DNAH14: variants seen among roughly 807,000 people sequenced by gnomAD.
DNAH14 encodes the protein dynein axonemal heavy chain 14.
Under a neutral mutation model 520.9 loss-of-function variants are expected in DNAH14, and 478 were observed. That is an observed-to-expected ratio of 0.92 (90% CI 0.85 to 0.99). The LOEUF is 0.99. DNAH14 is among the 50% of genes least tolerant of loss of function. DNAH14 has a pLI of 0.00. For missense variants in DNAH14, 4,831 were observed against 5,234.5 expected (o/e 0.92, Z 2.38); for synonymous variants, 1,581 against 1,757.2 (o/e 0.90, Z 2.51).
chr1:225,109,788 C>A (rs1459779425), intron 23 of DNAH14, among the ~76,000 whole-genome samples: 1 of 152,048 alleles, frequency 6.6e-6, no homozygotes, highest in Non-Finnish European at 1.5e-5. Flanking sequence ...CTATGACCTT[C>A]CAGATCTTAG....
At chr1:225,395,460 C>G (rs182341137) in intron 84 of DNAH14, among the ~76,000 whole-genome samples, 2 of 151,748 alleles carry the variant, frequency 1.3e-5, no homozygotes, top group East Asian at 1.9e-4. Context: ...GGCGTAGTGG[C>G]GGGCGCCTGT....
intron 1 of DNAH14, among the ~76,000 whole-genome samples, chr1:224,946,435 G>T (rs1371893672): frequency 6.6e-6 from 1 of 152,072 alleles, no homozygotes; most frequent in Non-Finnish European, 1.5e-5. Context: ...GACCCCTTGA[G>T]CTTCCCTTGC....
At chr1:224,988,027 AG>A (rs1314881227) in intron 8 of DNAH14, among the ~76,000 whole-genome samples, 1 of 152,098 alleles carries the variant, frequency 6.6e-6, no homozygotes, top group African/African-American at 2.4e-5. Flanking sequence ...AGCATGCATT[AG>A]CTATTTTTCC....
intron 23 of DNAH14, among the ~76,000 whole-genome samples, chr1:225,103,730 A>C (rs1305573117): frequency 5.9e-5 from 9 of 152,168 alleles, no homozygotes; most frequent in Non-Finnish European, 1.3e-4. Context: ...TGATTTTTGC[A>C]CATTGATTTT....
At position 225,309,521 on chromosome 1, in the gene DNAH14, G is replaced by T. The variant is rs183790585; in HGVS notation, c.9240+1111G>T. On this transcript the variant is annotated intron_variant, in intron 60 of 85. Transcript: ENST00000682510. ...GGGGAGCTTCCCCTCTTCCATTAAG[G>T]TGCCACCTATCTCACTGAGTGACCC... 3.4e-3 allele frequency among the ~76,000 whole-genome samples: 521 copies of T among 152,174 alleles called. 12 individuals carry two copies. Among genetic ancestry groups the T allele is most frequent in the Admixed American group, 0.03 (452 of 15,290 alleles).
At chr1:225,379,200 G>A (rs958116949) in intron 79 of DNAH14, among the ~76,000 whole-genome samples, 1 of 152,272 alleles carries the variant, frequency 6.6e-6, no homozygotes, top group East Asian at 1.9e-4. Flanking sequence ...TGTTCCATGC[G>A]GCTGCTTCAG....
intron 64 of DNAH14, among the ~76,000 whole-genome samples, chr1:225,328,970 A>T (rs1484395911): frequency 6.6e-6 from 1 of 152,190 alleles, no homozygotes; most frequent in African/African-American, 2.4e-5. Context: ...TAAATTAGGT[A>T]TATATTTTCA....
At chr1:225,017,226 A>G (rs1462028912) in intron 10 of DNAH14, among the ~76,000 whole-genome samples, 1 of 152,216 alleles carries the variant, frequency 6.6e-6, no homozygotes, top group African/African-American at 2.4e-5. Flanking sequence ...TTATCTGCTT[A>G]TAAGTGAGAC....
intron 38 of DNAH14, among the ~76,000 whole-genome samples, chr1:225,195,157 C>T (rs2085960261): frequency 6.6e-6 from 1 of 152,074 alleles, no homozygotes; most frequent in Non-Finnish European, 1.5e-5. Context: ...CATTATTGGG[C>T]ATATATGCCC....
In DNAH14 at chr1:225,346,592, T is replaced by C; in HGVS notation, c.11234T>C (p.Ile3745Thr). 5 of 1,550,566 alleles carry C rather than the reference T, an allele frequency of 3.2e-6. No individual in the cohort carries two copies. Among genetic ancestry groups the C allele is most frequent in the Non-Finnish European group, 4.4e-6 (5 of 1,146,218 alleles). Residue 3745 changes from isoleucine to threonine, a missense_variant, in exon 71 of 86, where the codon ATC becomes ACC. Coordinates refer to ENST00000682510, the MANE Select transcript of DNAH14 (RefSeq NM_001367479.1). Reference protein sequence around the residue: ...IGFLPEEEWNIFLYSGILINI... With the variant: ...IGFLPEEEWNTFLYSGILINI... ...TTCCTACCAGAAGAAGAATGGAACA[T>C]CTTTTTATATTCTGGCATATTGATA... is the stretch of plus-strand genomic sequence containing the variant.
At position 225,050,356 on chromosome 1, in the gene DNAH14, G is replaced by A. The variant is rs1371752631; in HGVS notation, c.2059G>A (p.Asp687Asn). ...WPDCHILFET[D>N]PAYQNIIVNL... is the part of the protein sequence containing the mutation. ...AGATTGTCACATCCTTTTTGAAACAGATCCTGCCTACCAAAATATAGTAAG... is the reference window on the plus strand; with the variant it reads ...AGATTGTCACATCCTTTTTGAAACAAATCCTGCCTACCAAAATATAGTAAG... The change falls in exon 16 of 86, where the codon GAT becomes AAT. Residue 687 changes from aspartate (D) to asparagine (N), a missense_variant. Transcript: ENST00000682510. 6.5e-7 allele frequency: 1 copy of A among 1,544,196 alleles called. No individual in the cohort carries two copies.
At chr1:225,158,430 T>C (rs1293527888) in intron 34 of DNAH14, among the ~76,000 whole-genome samples, 1 of 152,170 alleles carries the variant, frequency 6.6e-6, no homozygotes, top group Non-Finnish European at 1.5e-5. Flanking sequence ...ACTGGCTTGA[T>C]TTCAGGCTGG....
At chr1:224,931,130 G>A (rs2058674189) in intron 1 of DNAH14, among the ~76,000 whole-genome samples, 1 of 152,060 alleles carries the variant, frequency 6.6e-6, no homozygotes, top group Non-Finnish European at 1.5e-5. Flanking sequence ...AGGCTAATGT[G>A]TGTGTTTGTA....
intron 11 of DNAH14, among the ~76,000 whole-genome samples, chr1:225,033,776 A>G (rs1034832552): frequency 4.6e-5 from 7 of 151,866 alleles, no homozygotes; most frequent in African/African-American, 9.7e-5. Flanking sequence ...CTTTGTAGAG[A>G]TCTTTCACCT....
At chr1:225,371,297 A>G (rs1188683189) in intron 77 of DNAH14, among the ~76,000 whole-genome samples, 1 of 152,162 alleles carries the variant, frequency 6.6e-6, no homozygotes, top group African/African-American at 2.4e-5. Flanking sequence ...TAATGCAAGA[A>G]TGACCCAGTA....
chr1:225,130,766 C>T (rs1471485883), intron 27 of DNAH14, among the ~76,000 whole-genome samples: 1 of 150,382 alleles, frequency 6.6e-6, no homozygotes, highest in African/African-American at 2.5e-5. Context: ...CACATGTATA[C>T]ATATGTAACT....
At chr1:224,987,170 A>G (rs1263578777) in intron 8 of DNAH14, among the ~76,000 whole-genome samples, 1 of 151,914 alleles carries the variant, frequency 6.6e-6, no homozygotes, top group Non-Finnish European at 1.5e-5. Context: ...TGAGACCTGT[A>G]GTTGGTAAAC....
chr1:225,023,533 G>A (rs2065877236), intron 10 of DNAH14, 82 bp from the exon 11 acceptor site: 1 of 1,158,756 alleles, frequency 8.6e-7, no homozygotes. Flanking sequence ...AATTGAAGTT[G>A]ATAAAAAAAA....
chr1:225,377,678 A>G (rs1159073514), intron 79 of DNAH14, among the ~76,000 whole-genome samples: 1 of 152,172 alleles, frequency 6.6e-6, no homozygotes, highest in Admixed American at 6.5e-5. Context: ...TGTCTAAAAA[A>G]AAAATTCATT....
Sources: gnomAD v4.1 joint callset for allele counts (sites outside exome capture counted in the v4.1 genomes callset) on GRCh38, gnomAD v4.1.1 for gene constraint, MANE v1.5 for transcripts, NCBI Gene and HGNC (gene_info 2026-07-23, HGNC 2026-07-21) for gene names.